Variants in PCDHA3 observed in about 807,000 individuals in gnomAD.
The protein encoded by PCDHA3 is protocadherin alpha 3.
PCDHA3 carries 41 observed loss-of-function variants against 62.2 expected under a neutral mutation model. The observed-to-expected ratio is 0.66, with a 90% CI of 0.51 to 0.86. The LOEUF is 0.86. Ranked by LOEUF, PCDHA3 falls within the 40% of genes least tolerant of loss-of-function variation. The pLI, the probability that PCDHA3 is intolerant of heterozygous loss-of-function variation, is 0.00. For synonymous variants in PCDHA3, 640 were observed against 555.4 expected, an observed-to-expected ratio of 1.15 and a Z score of -2.14; for missense variants, 1,304 against 1,241.2, an observed-to-expected ratio of 1.05 and a Z score of -0.76.
chr5:141,009,452 TAAAC>T (rs1226554195), intron 3 of PCDHA3, among the ~76,000 whole-genome samples, 171 bp from the exon 4 acceptor site: 1 of 152,120 alleles, frequency 6.6e-6, no homozygotes, highest in Non-Finnish European at 1.5e-5. Flanking sequence ...TCAAAAAAAT[TAAAC>T]AAATAAATAA....
chr5:140,874,685 T>C (rs1212570606), intron 1 of PCDHA3, among the ~76,000 whole-genome samples: 1 of 152,234 alleles, frequency 6.6e-6, no homozygotes, highest in Non-Finnish European at 1.5e-5. Flanking sequence ...AGATTTGTTT[T>C]AACATGTTAT....
rs782451974 is a variant in PCDHA3, at chr5:141,009,822, T to A, written c.2738T>A (p.Phe913Tyr). 6.2e-7 allele frequency: 1 copy of A among 1,613,720 alleles called. No individual in the cohort carries two copies. The highest frequency in any genetic ancestry group is 2.2e-5 in the East Asian group (1 of 44,866). Residue 913 changes from phenylalanine (F) to tyrosine (Y), a missense_variant, in exon 4 of 4, where the codon TTC (phenylalanine) becomes TAC (tyrosine). Physicochemically the swap from Phe to Tyr is conservative, Grantham distance 22. Transcript: ENST00000522353. ...AACAGCCAAATTGACAAAAGTGACTTCATAACCTTCGGCAAAAAGGAGGAG... is the reference window on the plus strand; with the variant it reads ...AACAGCCAAATTGACAAAAGTGACTACATAACCTTCGGCAAAAAGGAGGAG... ...PTNSQIDKSDFITFGKKEETK... is the reference protein window; with the variant it reads ...PTNSQIDKSDYITFGKKEETK...
intron 1 of PCDHA3, among the ~76,000 whole-genome samples, chr5:140,958,973 ATTAG>A (rs2095457294): frequency 1.3e-5 from 2 of 152,038 alleles, no homozygotes; most frequent in African/African-American, 2.4e-5. Flanking sequence ...CTATTTTATT[ATTAG>A]TTATTGTTGC....
chr5:140,917,396 G>C (rs928504202), intron 1 of PCDHA3, among the ~76,000 whole-genome samples: 2 of 151,286 alleles, frequency 1.3e-5, no homozygotes, highest in East Asian at 3.9e-4. Flanking sequence ...ATGTGCAGAA[G>C]CTCTTTAGTT....
At chr5:140,971,038 A>G (rs948457676) in intron 1 of PCDHA3, among the ~76,000 whole-genome samples, 4 of 152,216 alleles carry the variant, frequency 2.6e-5, no homozygotes, top group Non-Finnish European at 5.9e-5. Context: ...GAAAGCACGT[A>G]AAAGGGTTTA....
chr5:140,867,997 T>C (rs2050231431), intron 1 of PCDHA3: 1 of 152,144 alleles, frequency 6.6e-6, no homozygotes. Flanking sequence ...TTCATGAATA[T>C]AACTGAATTA....
chr5:140,873,875 G>T (rs977504739), intron 1 of PCDHA3, among the ~76,000 whole-genome samples: 2 of 152,104 alleles, frequency 1.3e-5, no homozygotes, highest in African/African-American at 4.8e-5. Context: ...TGGCCAGGCT[G>T]GTCTTGAACT....
At chr5:140,994,236 A>G (rs1222556974) in intron 3 of PCDHA3, among the ~76,000 whole-genome samples, 3 of 152,170 alleles carry the variant, frequency 2.0e-5, no homozygotes, top group African/African-American at 4.8e-5. Context: ...GTTATAATCA[A>G]TTCAAACCCT....
chr5:140,877,917 TTTC>T, intron 1 of PCDHA3: 2 of 1,427,712 alleles, frequency 1.4e-6, no homozygotes, highest in East Asian at 5.0e-5. Flanking sequence ...TTCTCTCATT[TTTC>T]TTTATGATTC....
chr5:140,895,786 A>G (rs2065159984), intron 1 of PCDHA3, among the ~76,000 whole-genome samples: 2 of 152,080 alleles, frequency 1.3e-5, no homozygotes, highest in Non-Finnish European at 2.9e-5. Context: ...GTATTCAATG[A>G]CGTATATGTA....
rs1160767102 is a variant in PCDHA3, at chr5:140,964,322, A to G, written c.2395-14627A>G. On this transcript the variant is annotated intron_variant, in intron 1 of 3. Coordinates refer to ENST00000522353, the MANE Select transcript of PCDHA3 (RefSeq NM_018906.3). ...TACCTACAAGGCCTAAAACAGCATA[A>G]TGGACAACCTGGCAGGTGTCCTTGC... Among the ~76,000 whole-genome samples the G allele has an allele frequency of 2.0e-5, 3 of 152,346 alleles. No individual in the cohort carries two copies. The East Asian group carries it at 5.8e-4, about 29-fold the overall frequency.
intron 3 of PCDHA3, among the ~76,000 whole-genome samples, chr5:140,986,619 C>T (rs1212565136): frequency 6.6e-6 from 1 of 152,134 alleles, no homozygotes; most frequent in Non-Finnish European, 1.5e-5. Flanking sequence ...CAGGCCTTAC[C>T]TAAGGCAACA....
chr5:140,852,081 T>C (rs2042233455), intron 1 of PCDHA3: 1 of 899,702 alleles, frequency 1.1e-6, no homozygotes, highest in Non-Finnish European at 1.4e-6. Context: ...AGCTATTTTA[T>C]TTAATATTGT....
At chr5:141,008,704 T>C (rs1485324733) in intron 3 of PCDHA3, among the ~76,000 whole-genome samples, 1 of 152,236 alleles carries the variant, frequency 6.6e-6, no homozygotes, top group East Asian at 1.9e-4. Context: ...AGTTGGTTTC[T>C]AGTTGCTTGA....
chr5:140,807,397 CCG>C lies in PCDHA3; in HGVS notation c.2394+3809_2394+3810del, dbSNP rs782638629. On this transcript the variant is annotated intron_variant, in intron 1 of 3. Coordinates refer to ENST00000522353, the MANE Select transcript of PCDHA3 (RefSeq NM_018906.3). ...GCCTGTTCCGGGTGGCGTCCAAGGGCCGCGGAGGCCTTCTGGAGGTAAATCTG... is the reference window on the plus strand; with the variant it reads ...GCCTGTTCCGGGTGGCGTCCAAGGGCCGGAGGCCTTCTGGAGGTAAATCTG... 8 of 1,344,444 alleles carry C rather than the reference CCG, an allele frequency of 6.0e-6. 3 individuals carry two copies. Among genetic ancestry groups the C allele is most frequent in the Non-Finnish European group, 6.0e-6 (6 of 1,004,946 alleles). The allele number at this position is 1,344,444 out of a possible 1,614,324, so 83.3% of individuals were successfully genotyped here. A position where few individuals can be genotyped will look rare whatever the true frequency, so the allele number is the denominator to read the frequency against.
chr5:140,895,861 G>C (rs1248344470), intron 1 of PCDHA3, among the ~76,000 whole-genome samples: 2 of 152,184 alleles, frequency 1.3e-5, no homozygotes, highest in African/African-American at 4.8e-5. Context: ...CCCCAGGCTG[G>C]AGTGCAATGG....
chr5:140,935,828 A>G (rs1365293166), intron 1 of PCDHA3, among the ~76,000 whole-genome samples: 1 of 152,004 alleles, frequency 6.6e-6, no homozygotes, highest in Non-Finnish European at 1.5e-5. Context: ...GTATTTACAC[A>G]TATTCCATAC....
chr5:140,834,406 A>G, intron 1 of PCDHA3: 1 of 1,610,156 alleles, frequency 6.2e-7, no homozygotes, highest in Non-Finnish European at 8.5e-7. Context: ...AATGGATACG[A>G]CCCAGGGGGC....
At chr5:140,835,618 C>T (rs1562347401) in intron 1 of PCDHA3, 1 of 1,613,946 alleles carries the variant, frequency 6.2e-7, no homozygotes, top group South Asian at 1.1e-5. Context: ...CTGGACAGCG[C>T]TCTGGACCGC....
Sources: allele counts gnomAD v4.1 joint callset (sites outside exome capture counted in the v4.1 genomes callset), GRCh38; gene constraint gnomAD v4.1.1; transcripts MANE v1.5; gene names NCBI Gene and HGNC (gene_info 2026-07-23, HGNC 2026-07-21).